Variants in CSMD1 observed in about 807,000 individuals in gnomAD.
The protein encoded by CSMD1 is CUB and sushi domain-containing protein 1.
Under a neutral mutation model 417.5 loss-of-function variants are expected in CSMD1, and 213 were observed. The ratio of observed to expected loss-of-function variants is 0.51; its 90% CI spans 0.46 to 0.57. The LOEUF is 0.57. Among genes scored for constraint, CSMD1 ranks in the 20% least tolerant of loss-of-function variants. The probability of loss-of-function intolerance (pLI) is 0.00; values close to 1 mark genes in which losing one functional copy is unlikely to be tolerated. For synonymous variants in CSMD1, 2,862 were observed against 1,736.8 expected, an observed-to-expected ratio of 1.65 and a Z score of -16.11; for missense variants, 6,923 against 4,529.7, an observed-to-expected ratio of 1.53 and a Z score of -15.17.
chr8:3,942,790 A>G (rs1023012314), intron 5 of CSMD1, among the ~76,000 whole-genome samples: 23 of 152,308 alleles, frequency 1.5e-4, no homozygotes, highest in African/African-American at 5.3e-4. Context: ...AGTTACTGGG[A>G]TAAGAAAAAT....
chr8:2,958,796 G>T (rs1803220545), intron 62 of CSMD1, among the ~76,000 whole-genome samples: 1 of 152,198 alleles, frequency 6.6e-6, no homozygotes, highest in Non-Finnish European at 1.5e-5. Flanking sequence ...CTTGTTTCTT[G>T]CTCTGAGAAT....
intron 23 of CSMD1, among the ~76,000 whole-genome samples, chr8:3,322,478 T>C (rs185581791): frequency 1.8e-4 from 27 of 152,318 alleles, no homozygotes; most frequent in Non-Finnish European, 3.7e-4. Context: ...TGTTTTACGC[T>C]AAATTGCCTT....
intron 1 of CSMD1, among the ~76,000 whole-genome samples, chr8:4,832,913 A>C (rs1490022028): frequency 3.3e-5 from 5 of 152,130 alleles, no homozygotes; most frequent in African/African-American, 4.8e-5. Context: ...CAAGCACTCT[A>C]AGTTTAGTAC....
At chr8:3,422,803 C>G (rs758285410) in intron 12 of CSMD1, among the ~76,000 whole-genome samples, 11 of 152,100 alleles carry the variant, frequency 7.2e-5, no homozygotes, top group African/African-American at 2.2e-4. Context: ...CTAGGAAGAT[C>G]AAGATAAAGG....
At chr8:4,620,309 T>C (rs574581684) in intron 2 of CSMD1, among the ~76,000 whole-genome samples, 12 of 151,746 alleles carry the variant, frequency 7.9e-5, no homozygotes, top group African/African-American at 2.2e-4. Context: ...TGTATACATA[T>C]GTATTACACA....
intron 25 of CSMD1, among the ~76,000 whole-genome samples, chr8:3,289,514 C>T (rs1268809496): frequency 6.9e-6 from 1 of 144,806 alleles, no homozygotes; most frequent in African/African-American, 2.7e-5. Context: ...TAATGATCGC[C>T]ATTCTAACTG....
chr8:3,360,018 C>T (rs918860344), intron 20 of CSMD1, among the ~76,000 whole-genome samples: 1 of 152,126 alleles, frequency 6.6e-6, no homozygotes, highest in Non-Finnish European at 1.5e-5. Context: ...CCCAAAGGTG[C>T]TTTTTGGTAA....
intron 1 of CSMD1, among the ~76,000 whole-genome samples, chr8:4,647,458 G>A (rs912294621): frequency 1.5e-4 from 23 of 151,720 alleles, no homozygotes; most frequent in Non-Finnish European, 2.8e-4. Flanking sequence ...GTGCCACGGC[G>A]GCCTGCTACG....
chr8:4,430,909 C>A (rs967981833), intron 2 of CSMD1, among the ~76,000 whole-genome samples: 2 of 152,148 alleles, frequency 1.3e-5, no homozygotes, highest in African/African-American at 2.4e-5. Context: ...TGGTAAGGAT[C>A]CATAAATTAT....
At chr8:4,901,841 T>A (rs1804890871) in intron 1 of CSMD1, among the ~76,000 whole-genome samples, 1 of 151,270 alleles carries the variant, frequency 6.6e-6, no homozygotes, top group African/African-American at 2.5e-5. Context: ...TCTGAGTGAG[T>A]AGCATCATGA....
intron 5 of CSMD1, among the ~76,000 whole-genome samples, chr8:3,768,226 T>C (rs912482023): frequency 3.3e-5 from 5 of 152,122 alleles, no homozygotes; most frequent in Admixed American, 2.0e-4. Flanking sequence ...AACCATACAG[T>C]GGCCAATGGC....
intron 7 of CSMD1, among the ~76,000 whole-genome samples, chr8:3,671,173 A>G (rs563252657): frequency 3.4e-5 from 5 of 148,098 alleles, no homozygotes; most frequent in African/African-American, 1.2e-4. Context: ...TATGAGATAT[A>G]TATGTATATG....
intron 1 of CSMD1, among the ~76,000 whole-genome samples, chr8:4,716,507 C>T (rs887555337): frequency 2.0e-5 from 3 of 152,096 alleles, no homozygotes; most frequent in African/African-American, 7.2e-5. Flanking sequence ...ACTTCAACAT[C>T]CATTATCTAT....
At chr8:3,047,782 C>T (rs778137811) in intron 50 of CSMD1, among the ~76,000 whole-genome samples, 1 of 152,164 alleles carries the variant, frequency 6.6e-6, no homozygotes, top group South Asian at 2.1e-4. Flanking sequence ...CTTGCATGGA[C>T]ATTCTAGAGA....
intron 26 of CSMD1, among the ~76,000 whole-genome samples, chr8:3,262,364 A>G (rs1801144270): frequency 6.6e-6 from 1 of 151,278 alleles, no homozygotes; most frequent in Non-Finnish European, 1.5e-5. Flanking sequence ...ACTCCTGACA[A>G]ATATTGGTAA....
At chr8:2,995,668 T>A (rs1378664198) in intron 54 of CSMD1, among the ~76,000 whole-genome samples, 1 of 151,920 alleles carries the variant, frequency 6.6e-6, no homozygotes. Flanking sequence ...AATGGGTAAA[T>A]GGTGAAAAAA....
chr8:4,040,722 G>A (rs1797844047), intron 3 of CSMD1, among the ~76,000 whole-genome samples: 2 of 152,120 alleles, frequency 1.3e-5, no homozygotes, highest in Non-Finnish European at 2.9e-5. Flanking sequence ...CACTGCAGGA[G>A]AGACTGCAGC....
chr8:3,856,363 C>T (rs557329891), intron 5 of CSMD1, among the ~76,000 whole-genome samples: 2 of 152,168 alleles, frequency 1.3e-5, no homozygotes, highest in Admixed American at 6.5e-5. Flanking sequence ...GCCCGCAGAA[C>T]CGTGAGCCAA....
intron 5 of CSMD1, among the ~76,000 whole-genome samples, chr8:3,924,579 G>C (rs536264481): frequency 1.3e-5 from 2 of 152,092 alleles, no homozygotes; most frequent in Non-Finnish European, 2.9e-5. Flanking sequence ...CCCTGTGACT[G>C]GATAATTTTA....
Sources: allele counts gnomAD v4.1 joint callset (sites outside exome capture counted in the v4.1 genomes callset), GRCh38; gene constraint gnomAD v4.1.1; transcripts MANE v1.5; gene names NCBI Gene and HGNC (gene_info 2026-07-23, HGNC 2026-07-21).